VTI1A: variants seen among roughly 807,000 people sequenced by gnomAD.
The protein encoded by VTI1A is vesicle transport through interaction with t-SNAREs homolog 1A.
VTI1A carries 22 observed loss-of-function variants against 34.9 expected under a neutral mutation model. That is an observed-to-expected ratio of 0.63 (90% CI 0.45 to 0.90). VTI1A has a LOEUF of 0.90. VTI1A is among the 40% of genes least tolerant of loss of function. The pLI is 0.00. For synonymous variants in VTI1A, 87 were observed against 97.3 expected (o/e 0.89, Z 0.62); for missense variants, 268 against 275.6 (o/e 0.97, Z 0.20).
chr10:112,464,634 A>G lies in VTI1A; in HGVS notation c.241A>G (p.Met81Val). 3.7e-6 allele frequency: 6 copies of G among 1,612,076 alleles called. No homozygotes were observed. The highest frequency in any genetic ancestry group is 5.1e-6 in the Non-Finnish European group (6 of 1,178,730). Residue 81 changes from methionine to valine, a missense_variant, in exon 3 of 8, where the codon ATG becomes GTG. Physicochemically the swap from Met to Val is conservative, Grantham distance 21 (BLOSUM62 1). Coordinates refer to ENST00000393077, the MANE Select transcript of VTI1A (RefSeq NM_145206.4). The part of the protein sequence containing the change: ...SNRMRSYKQE[M>V]GKLETDFKRS... ...CAGAATGAGAAGCTACAAACAAGAA[A>G]TGGGAAAACTCGAAACAGATTTTGT... is the stretch of plus-strand genomic sequence containing the variant.
At chr10:112,788,760 C>T (rs181761120) in intron 7 of VTI1A, among the ~76,000 whole-genome samples, 4 of 151,878 alleles carry the variant, frequency 2.6e-5, no homozygotes, top group African/African-American at 9.7e-5. Context: ...GCTTTTCTGC[C>T]TCCTTTTTAA....
intron 7 of VTI1A, among the ~76,000 whole-genome samples, chr10:112,679,133 A>C (rs1303440270): frequency 6.6e-6 from 1 of 152,088 alleles, no homozygotes; most frequent in East Asian, 1.9e-4. Context: ...TTTATTTTTC[A>C]GCAGCATTTA....
At chr10:112,830,849 ATTT>A in the VTI1A span, among the ~76,000 whole-genome samples, 67 of 33,472 alleles carry the variant, frequency 2.0e-3, 1 homozygote, top group African/African-American at 6.6e-3. Flanking sequence ...ATATATATAT[ATTT>A]TTTTTTTTTT....
At chr10:112,643,544 G>A (rs1846662179) in intron 5 of VTI1A, among the ~76,000 whole-genome samples, 1 of 151,818 alleles carries the variant, frequency 6.6e-6, no homozygotes, top group African/African-American at 2.4e-5. Flanking sequence ...TTTCTCCTTT[G>A]TTATATCTTA....
At chr10:112,558,451 TATC>T (rs1851608754) in intron 5 of VTI1A, among the ~76,000 whole-genome samples, 1 of 152,220 alleles carries the variant, frequency 6.6e-6, no homozygotes, top group Non-Finnish European at 1.5e-5. Flanking sequence ...CATAAATACT[TATC>T]ATAGACTTAC....
chr10:112,483,185 C>T (rs557025695), intron 3 of VTI1A, among the ~76,000 whole-genome samples: 1 of 151,944 alleles, frequency 6.6e-6, no homozygotes, highest in Non-Finnish European at 1.5e-5. Context: ...TTTTTGGAAT[C>T]TAGAAAGTAC....
At chr10:112,576,445 A>G (rs1362204891) in intron 5 of VTI1A, among the ~76,000 whole-genome samples, 1 of 152,342 alleles carries the variant, frequency 6.6e-6, no homozygotes, top group Admixed American at 6.5e-5. Flanking sequence ...CATTCAGGAA[A>G]CACCCAATTT....
chr10:112,693,990 C>G (rs1848696789), intron 7 of VTI1A, among the ~76,000 whole-genome samples: 1 of 152,100 alleles, frequency 6.6e-6, no homozygotes, highest in Admixed American at 6.5e-5. Context: ...GGGCGGATCA[C>G]AAGGTCAGGA....
At chr10:112,814,180 C>T (rs1415680315) in intron 7 of VTI1A, among the ~76,000 whole-genome samples, 3 of 152,114 alleles carry the variant, frequency 2.0e-5, no homozygotes, top group Admixed American at 6.5e-5. Context: ...GGTCTCTGTT[C>T]CGTGGGGAGC....
At chr10:112,774,892 C>T (rs1851914501) in intron 7 of VTI1A, among the ~76,000 whole-genome samples, 1 of 152,132 alleles carries the variant, frequency 6.6e-6, no homozygotes, top group African/African-American at 2.4e-5. Context: ...TTGCTGTGCC[C>T]TTTTGTGTTC....
intron 7 of VTI1A, among the ~76,000 whole-genome samples, chr10:112,713,529 C>T (rs1317146023): frequency 6.6e-6 from 1 of 152,182 alleles, no homozygotes; most frequent in African/African-American, 2.4e-5. Flanking sequence ...CTTGCTCAAA[C>T]TCACACAACT....
chr10:112,591,674 C>T (rs960115574), intron 5 of VTI1A, among the ~76,000 whole-genome samples: 1 of 152,176 alleles, frequency 6.6e-6, no homozygotes, highest in Non-Finnish European at 1.5e-5. Flanking sequence ...TGTTCAAGGC[C>T]CTTAAGCTCC....
intron 7 of VTI1A, among the ~76,000 whole-genome samples, chr10:112,782,892 T>G (rs1232099987): frequency 6.6e-6 from 1 of 152,146 alleles, no homozygotes; most frequent in African/African-American, 2.4e-5. Context: ...ATTTTGTGAT[T>G]CAGTGATTAT....
At chr10:112,472,104 T>A (rs1848110182) in intron 3 of VTI1A, among the ~76,000 whole-genome samples, 1 of 152,226 alleles carries the variant, frequency 6.6e-6, no homozygotes, top group Admixed American at 6.5e-5. Context: ...TCTTTTTTCT[T>A]GTAACAAAGC....
chr10:112,578,644 A>G (rs11812525), intron 5 of VTI1A, among the ~76,000 whole-genome samples: 6,470 of 152,262 alleles, frequency 0.042, 494 homozygotes, highest in African/African-American at 0.15. Flanking sequence ...GCTTTTTGTC[A>G]TATTTGCATG....
At chr10:112,781,902 C>T (rs1852142144) in intron 7 of VTI1A, among the ~76,000 whole-genome samples, 1 of 152,088 alleles carries the variant, frequency 6.6e-6, no homozygotes, top group African/African-American at 2.4e-5. Context: ...TGGTCCGAGG[C>T]TCTTCCTGCC....
intron 5 of VTI1A, among the ~76,000 whole-genome samples, chr10:112,639,735 A>G (rs1846496705): frequency 2.0e-5 from 3 of 152,198 alleles, no homozygotes; most frequent in South Asian, 4.1e-4. Context: ...AAATTTTTAT[A>G]AAAAACAAAA....
In VTI1A at chr10:112,696,092, G is replaced by T. The variant is rs893680778; in HGVS notation, c.560+27094G>T. ...ATAGAAAAATGTAATTAGAGAGAAT[G>T]ATTATATATATATATATATATATGC... On this transcript the variant is annotated intron_variant, in intron 7 of 7. Transcript: ENST00000393077. Among the ~76,000 whole-genome samples the T allele has an allele frequency of 5.8e-5, 7 of 120,876 alleles. No individual in the cohort carries two copies. The East Asian group carries it at 2.1e-3, about 35-fold the overall frequency. 79.3% of individuals were successfully genotyped at this position (120,876 alleles called of 152,430 possible).
At chr10:112,522,441 C>T (rs1255829146) in intron 3 of VTI1A, among the ~76,000 whole-genome samples, 1 of 152,038 alleles carries the variant, frequency 6.6e-6, no homozygotes, top group Non-Finnish European at 1.5e-5. Context: ...TGGCTGTCTG[C>T]AGCACATAGA....
Sources: allele counts gnomAD v4.1 joint callset (sites outside exome capture counted in the v4.1 genomes callset), GRCh38; gene constraint gnomAD v4.1.1; transcripts MANE v1.5; gene names NCBI Gene and HGNC (gene_info 2026-07-23, HGNC 2026-07-21).